CTIF: variants seen among roughly 807,000 people sequenced by gnomAD.
CTIF encodes CBP80/20-dependent translation initiation factor.
A neutral mutation model predicts 66.0 loss-of-function variants in CTIF; 21 were observed. The ratio of observed to expected loss-of-function variants is 0.32; its 90% confidence interval spans 0.23 to 0.46. CTIF has a LOEUF of 0.46. Ranked by LOEUF, CTIF falls within the 20% of genes least tolerant of loss-of-function variation. The pLI is 1.00. For synonymous variants in CTIF, 345 were observed against 326.4 expected (o/e 1.06, Z -0.62); for missense variants, 739 against 812.7 (o/e 0.91, Z 1.10).
At chr18:48,681,809 G>A (rs915525306) in intron 6 of CTIF, among the ~76,000 whole-genome samples, 2 of 151,556 alleles carry the variant, frequency 1.3e-5, no homozygotes, top group African/African-American at 4.9e-5. Context: ...TTTTGAGATG[G>A]TGTTTCACTC....
At chr18:48,580,332 A>G (rs1352668001) in intron 1 of CTIF, among the ~76,000 whole-genome samples, 2 of 152,234 alleles carry the variant, frequency 1.3e-5, no homozygotes, top group South Asian at 2.1e-4. Context: ...GAGTTAGAGC[A>G]GAGGGATAGT....
chr18:48,593,392 T>A (rs1350364086), intron 1 of CTIF, among the ~76,000 whole-genome samples: 1 of 151,804 alleles, frequency 6.6e-6, no homozygotes, highest in Non-Finnish European at 1.5e-5. Flanking sequence ...TTTTCTTTTT[T>A]TTTTTTGAGA....
chr18:48,551,233 A>G (rs2088873272), intron 1 of CTIF, among the ~76,000 whole-genome samples: 1 of 151,698 alleles, frequency 6.6e-6, no homozygotes, highest in South Asian at 2.1e-4. Flanking sequence ...GTCAAGACGG[A>G]GGCCTTGGAA....
chr18:48,624,321 C>G (rs753035386), intron 2 of CTIF, among the ~76,000 whole-genome samples: 1 of 152,138 alleles, frequency 6.6e-6, no homozygotes, highest in Non-Finnish European at 1.5e-5. Context: ...GGAGCATGGC[C>G]AAACCCCACT....
chr18:48,737,323 T>G (rs2092511818), intron 7 of CTIF, among the ~76,000 whole-genome samples: 1 of 152,220 alleles, frequency 6.6e-6, no homozygotes, highest in Non-Finnish European at 1.5e-5. Flanking sequence ...CCTGCCCTGG[T>G]GCTGCTCCCA....
intron 7 of CTIF, among the ~76,000 whole-genome samples, chr18:48,741,138 T>G (rs145614810): frequency 1.2e-4 from 19 of 152,240 alleles, no homozygotes; most frequent in East Asian, 5.8e-4. Flanking sequence ...TCATGGTGGT[T>G]GTTGTTATTA....
intron 3 of CTIF, among the ~76,000 whole-genome samples, chr18:48,649,354 C>T (rs746691163): frequency 1.2e-4 from 18 of 152,220 alleles, no homozygotes; most frequent in Non-Finnish European, 2.4e-4. Context: ...TCACTGCTAG[C>T]GCAGCAGTCT....
intron 5 of CTIF, among the ~76,000 whole-genome samples, chr18:48,669,733 A>G (rs942453303): frequency 1.1e-4 from 16 of 145,938 alleles, no homozygotes; most frequent in African/African-American, 4.0e-4. Flanking sequence ...GTAAATACAG[A>G]TAATAATACA....
chr18:48,797,992 CAG>C (rs1453794420), intron 9 of CTIF, among the ~76,000 whole-genome samples: 3 of 152,158 alleles, frequency 2.0e-5, no homozygotes, highest in Non-Finnish European at 4.4e-5. Context: ...TGACCACAGT[CAG>C]AGTGTCTCTT....
Position 48,754,641 on chromosome 18 carries a change from A to G in CTIF, c.585-3278A>G, listed in dbSNP as rs891372261. ...TGAACCTGTTAGTCTTTCCTACCCAATTAGGAGGGAACACTTGAGGTGGAC... is the reference window on the plus strand; with the variant it reads ...TGAACCTGTTAGTCTTTCCTACCCAGTTAGGAGGGAACACTTGAGGTGGAC... On this transcript the variant is annotated intron_variant, in intron 7 of 11. Coordinates refer to ENST00000256413, the MANE Select transcript of CTIF (RefSeq NM_014772.3). Among the ~76,000 whole-genome samples the G allele has an allele frequency of 6.6e-4, 100 of 152,296 alleles. 1 individual carries two copies. Among genetic ancestry groups the G allele is most frequent in the African/African-American group, 2.3e-3 (96 of 41,568 alleles).
intron 9 of CTIF, among the ~76,000 whole-genome samples, chr18:48,792,823 T>C (rs568533105): frequency 3.9e-5 from 6 of 152,252 alleles, no homozygotes; most frequent in African/African-American, 9.6e-5. Flanking sequence ...GAGCTCACTA[T>C]TGGACATGTC....
At position 48,764,211 on chromosome 18, in the gene CTIF, C is replaced by T. The variant is rs542611482; in HGVS notation, c.1371+2522C>T. Among the ~76,000 whole-genome samples the T allele has an allele frequency of 3.3e-5, 5 of 152,330 alleles. No individual in the cohort carries two copies. In the South Asian group the frequency reaches 1.0e-3, roughly 32 times the overall value. ...TCCTGTCCCAGCACCTCTCATCCTG[C>T]AGCCACAATGTTCAGTCACCCTCCT... On this transcript the variant is annotated intron_variant, in intron 9 of 11. Transcript: ENST00000256413.
chr18:48,576,246 G>T (rs1326272587), intron 1 of CTIF, among the ~76,000 whole-genome samples: 1 of 152,254 alleles, frequency 6.6e-6, no homozygotes, highest in African/African-American at 2.4e-5. Context: ...TCTGGGCTTT[G>T]CCCAGGCCAG....
chr18:48,783,957 A>G (rs1044230937), intron 9 of CTIF, among the ~76,000 whole-genome samples: 1 of 152,166 alleles, frequency 6.6e-6, no homozygotes, highest in African/African-American at 2.4e-5. Context: ...CCCCTGCCCT[A>G]TCTCACACAC....
chr18:48,638,586 T>C (rs2090867720), intron 3 of CTIF, among the ~76,000 whole-genome samples: 1 of 152,074 alleles, frequency 6.6e-6, no homozygotes, highest in African/African-American at 2.4e-5. Flanking sequence ...CCAGATAATA[T>C]GGGCCCATGG....
chr18:48,769,231 G>A (rs1451015709), intron 9 of CTIF, among the ~76,000 whole-genome samples: 1 of 152,234 alleles, frequency 6.6e-6, no homozygotes, highest in Admixed American at 6.5e-5. Flanking sequence ...GGCACACCCA[G>A]GGATAGAAGC....
In CTIF at chr18:48,649,559, A is replaced by G. The variant is rs531376045; in HGVS notation, c.252+12874A>G. 1.6e-4 allele frequency among the ~76,000 whole-genome samples: 25 copies of G among 152,364 alleles called. No homozygotes were observed. The South Asian group carries it at 4.6e-3, about 28-fold the overall frequency. The stretch of plus-strand genomic sequence containing the variant: ...AACAAAAGGCAGCAGAAACTTCTGC[A>G]GACTTAAACATCCCTGTCTGACAGC... On this transcript the variant is annotated intron_variant, in intron 3 of 11. Coordinates refer to ENST00000256413, the MANE Select transcript of CTIF (RefSeq NM_014772.3).
intron 7 of CTIF, among the ~76,000 whole-genome samples, chr18:48,740,407 C>A (rs182443177): frequency 3.0e-4 from 45 of 152,352 alleles, no homozygotes; most frequent in African/African-American, 9.6e-4. Context: ...GCAACCCCAC[C>A]CTCACTGGCC....
intron 1 of CTIF, among the ~76,000 whole-genome samples, chr18:48,557,017 C>T (rs1388833639): frequency 2.0e-5 from 3 of 152,124 alleles, no homozygotes; most frequent in African/African-American, 7.2e-5. Context: ...TGGCATGGAG[C>T]TGAGTCTCTG....
Sources: allele counts gnomAD v4.1 joint callset (sites outside exome capture counted in the v4.1 genomes callset), GRCh38; gene constraint gnomAD v4.1.1; transcripts MANE v1.5; gene names NCBI Gene and HGNC (gene_info 2026-07-23, HGNC 2026-07-21).